The following CLSTN2 variants were observed in gnomAD, a reference collection of about 807,000 sequenced individuals.
CLSTN2 encodes calsyntenin 2, also known as calsyntenin-2.
In CLSTN2, 48 loss-of-function variants were observed where a neutral mutation model predicts 101.2. The ratio of observed to expected loss-of-function variants is 0.47; its 90% CI spans 0.38 to 0.60. The LOEUF (loss-of-function observed/expected upper bound fraction) is 0.60. Among genes scored for constraint, CLSTN2 ranks in the 20% least tolerant of loss-of-function variants. The probability of loss-of-function intolerance (pLI) is 0.00; values close to 1 mark genes in which losing one functional copy is unlikely to be tolerated. For missense variants in CLSTN2, 1,160 were observed against 1,238.2 expected (o/e 0.94, Z 0.95); for synonymous variants, 481 against 463.6 (o/e 1.04, Z -0.48).
At chr3:140,234,052 T>C (rs2086394367) in intron 2 of CLSTN2, among the ~76,000 whole-genome samples, 1 of 152,224 alleles carries the variant, frequency 6.6e-6, no homozygotes, top group Non-Finnish European at 1.5e-5. Context: ...AATAGGTTGC[T>C]GATACCTGCT....
chr3:140,418,055 C>T (rs1247395519), intron 4 of CLSTN2, among the ~76,000 whole-genome samples: 1 of 152,180 alleles, frequency 6.6e-6, no homozygotes, highest in Non-Finnish European at 1.5e-5. Flanking sequence ...TAATGTTGTA[C>T]ACATTGTAAA....
At chr3:140,419,785 A>C (rs371561594) in intron 4 of CLSTN2, among the ~76,000 whole-genome samples, 1 of 67,546 alleles carries the variant, frequency 1.5e-5, no homozygotes, top group East Asian at 5.4e-4. Context: ...ACACGTATAT[A>C]CACGTATACG....
At chr3:140,492,578 AAC>A (rs1231137864) in intron 8 of CLSTN2, among the ~76,000 whole-genome samples, 1 of 152,238 alleles carries the variant, frequency 6.6e-6, no homozygotes, top group South Asian at 2.1e-4. Context: ...ACCTCTCAGG[AAC>A]ACACAGTCAC....
Position 140,370,457 on chromosome 3 carries a change from T to G in CLSTN2, c.233-33172T>G, listed in dbSNP as rs1005412042. Among the ~76,000 whole-genome samples the G allele has an allele frequency of 2.0e-5, 3 of 151,964 alleles. No individual in the cohort carries two copies. The East Asian group carries it at 5.8e-4, about 29-fold the overall frequency. On this transcript the variant is annotated intron_variant, in intron 2 of 16. Transcript: ENST00000458420. ...AACACAGCGTCTGGCATATGGTAGG[T>G]GCTCAGTATATATGTAGGAGAGGGA...
At chr3:140,186,742 G>A (rs1243840200) in intron 2 of CLSTN2, among the ~76,000 whole-genome samples, 2 of 152,090 alleles carry the variant, frequency 1.3e-5, no homozygotes, top group East Asian at 3.9e-4. Context: ...ATTTATCTAA[G>A]TTATAGTGCT....
At position 140,510,452 on chromosome 3, in the gene CLSTN2, G is replaced by A. The variant is rs138739000; in HGVS notation, c.1345-21872G>A. On this transcript the variant is annotated intron_variant, in intron 8 of 16. Coordinates refer to ENST00000458420, the MANE Select transcript of CLSTN2 (RefSeq NM_022131.3). The stretch of plus-strand genomic sequence containing the variant: ...TAAAGGTGTGCTTACTCTCCCCGGG[G>A]ATGAGATTAAATCCTGGGTGCAAAG... Among the ~76,000 whole-genome samples, 334 of 152,362 alleles carry A rather than the reference G, an allele frequency of 2.2e-3. 2 individuals carry two copies. The highest frequency in any genetic ancestry group is 6.8e-3 in the Middle Eastern group (2 of 294).
intron 2 of CLSTN2, among the ~76,000 whole-genome samples, chr3:140,371,948 C>G (rs2087861984): frequency 6.6e-6 from 1 of 152,114 alleles, no homozygotes; most frequent in African/African-American, 2.4e-5. Flanking sequence ...GCCAGAGAGA[C>G]CAAGCCAGTA....
chr3:139,967,226 T>C (rs965449279), intron 1 of CLSTN2, among the ~76,000 whole-genome samples: 1 of 152,170 alleles, frequency 6.6e-6, no homozygotes, highest in Non-Finnish European at 1.5e-5. Flanking sequence ...TAAGGACTAC[T>C]TTGAAAGGAG....
At chr3:140,522,035 C>T (rs1032485219) in intron 8 of CLSTN2, among the ~76,000 whole-genome samples, 2 of 152,200 alleles carry the variant, frequency 1.3e-5, no homozygotes, top group African/African-American at 2.4e-5. Flanking sequence ...GAGTCAGACC[C>T]GAGACCCTGG....
At position 140,012,071 on chromosome 3, in the gene CLSTN2, T is replaced by C. The variant is rs141759274; in HGVS notation, c.109+76588T>C. On this transcript the variant is annotated intron_variant, in intron 1 of 16. Coordinates refer to ENST00000458420, the MANE Select transcript of CLSTN2 (RefSeq NM_022131.3). ...GAGGCTGACAAGGCTGGGCACTGCC[T>C]GAGTAAGGTGCACAAGGAAGATGGA... 2.9e-3 allele frequency among the ~76,000 whole-genome samples: 448 copies of C among 152,144 alleles called. 1 individual carries two copies. The highest frequency in any genetic ancestry group is 0.01 in the African/African-American group (429 of 41,506).
chr3:140,450,668 T>G (rs760577491), intron 6 of CLSTN2, among the ~76,000 whole-genome samples: 5 of 152,020 alleles, frequency 3.3e-5, no homozygotes, highest in Non-Finnish European at 7.4e-5. Context: ...GCCTCTCCAC[T>G]ATTATCTTTG....
At chr3:140,473,882 T>C (rs1164499140) in intron 8 of CLSTN2, among the ~76,000 whole-genome samples, 1 of 152,048 alleles carries the variant, frequency 6.6e-6, no homozygotes, top group Non-Finnish European at 1.5e-5. Flanking sequence ...CTCAGCCTCC[T>C]GAGTAGCTGG....
intron 2 of CLSTN2, among the ~76,000 whole-genome samples, chr3:140,388,840 T>C (rs2107969174): frequency 6.6e-6 from 1 of 152,376 alleles, no homozygotes; most frequent in African/African-American, 2.4e-5. Flanking sequence ...TCACCATTAA[T>C]GTTAGCTGTA....
At chr3:140,332,518 G>A (rs751604260) in intron 2 of CLSTN2, among the ~76,000 whole-genome samples, 4 of 152,072 alleles carry the variant, frequency 2.6e-5, no homozygotes, top group African/African-American at 4.8e-5. Flanking sequence ...TATATGGATT[G>A]CTATTTGTTT....
rs1311248044 is a variant in CLSTN2, at chr3:139,987,255, G to T, written c.109+51772G>T. On this transcript the variant is annotated intron_variant, in intron 1 of 16. Transcript: ENST00000458420. ...AAACTTCTGGTTGCATGATGCTTTT[G>T]CAGTATGTGTCAAATGGTCTTAAAA... 3.9e-5 allele frequency among the ~76,000 whole-genome samples: 6 copies of T among 152,152 alleles called. No homozygotes were observed. The East Asian group carries it at 1.2e-3, about 29-fold the overall frequency.
chr3:140,083,008 G>A (rs2008624307), intron 1 of CLSTN2, among the ~76,000 whole-genome samples: 1 of 152,198 alleles, frequency 6.6e-6, no homozygotes, highest in Admixed American at 6.5e-5. Flanking sequence ...TCCGCTGCCT[G>A]AGAAAATCTA....
chr3:140,558,888 T>C (rs1239524633), intron 12 of CLSTN2, 31 bp downstream of exon 12: 2 of 1,582,646 alleles, frequency 1.3e-6, no homozygotes, highest in East Asian at 4.5e-5. Context: ...GTGGGGAGGG[T>C]GGACCTTAAT....
At chr3:140,338,736 C>T (rs1298259961) in intron 2 of CLSTN2, among the ~76,000 whole-genome samples, 3 of 152,120 alleles carry the variant, frequency 2.0e-5, no homozygotes, top group East Asian at 3.9e-4. Flanking sequence ...CTGCGTGAGG[C>T]CTAGTGGAAC....
intron 2 of CLSTN2, among the ~76,000 whole-genome samples, chr3:140,262,593 T>C (rs1044719032): frequency 1.3e-5 from 2 of 151,986 alleles, no homozygotes; most frequent in African/African-American, 4.8e-5. Context: ...CATAGATTAG[T>C]GGTAATTGTT....
Sources: gnomAD v4.1 joint callset for allele counts (sites outside exome capture counted in the v4.1 genomes callset) on GRCh38, gnomAD v4.1.1 for gene constraint, MANE v1.5 for transcripts, NCBI Gene and HGNC (gene_info 2026-07-23, HGNC 2026-07-21) for gene names.